The following BTBD17 variants were observed in gnomAD, a reference collection of about 807,000 sequenced individuals.
BTBD17 encodes the protein BTB domain containing 17.
BTBD17 carries 26 observed loss-of-function variants against 36.9 expected under a neutral mutation model. The observed-to-expected ratio is 0.70, with a 90% CI of 0.52 to 0.98. BTBD17 has a LOEUF of 0.98. Among genes scored for constraint, BTBD17 ranks in the 50% least tolerant of loss-of-function variants. The pLI is 0.00. For missense variants in BTBD17, 630 were observed against 691.3 expected, an observed-to-expected ratio of 0.91 and a Z score of 0.99; for synonymous variants, 341 against 338.0, an observed-to-expected ratio of 1.01 and a Z score of -0.10.
At chr17:74,361,568 G>T (rs2054938327) in intron 1 of BTBD17, among the ~76,000 whole-genome samples, 167 bp downstream of exon 1, 1 of 152,180 alleles carries the variant, frequency 6.6e-6, no homozygotes, top group Non-Finnish European at 1.5e-5. Context: ...CCACCTGCCT[G>T]CCAGGCCCCT....
upstream of BTBD17, chr17:74,361,920 A>G (rs745959244): frequency 4.9e-5 from 46 of 931,358 alleles, no homozygotes; most frequent in Non-Finnish European, 7.4e-5. Context: ...AGGGGACGGC[A>G]CCCCCCTTCC....
intron 2 of BTBD17, 22 bp downstream of exon 2, chr17:74,359,947 C>T (rs111794965): frequency 1.9e-6 from 3 of 1,596,764 alleles, no homozygotes; most frequent in African/African-American, 1.3e-5. Flanking sequence ...TGAAGCCATC[C>T]CCTAGTCTTC....
At chr17:74,362,966 A>AGGTGTGTGTG (rs367842231), upstream of BTBD17, among the ~76,000 whole-genome samples, 1 of 148,994 alleles carries the variant, frequency 6.7e-6, no homozygotes, top group Non-Finnish European at 1.5e-5. Context: ...GCGCGCGCGC[A>AGGTGTGTGTG]TGTGTGTGTG....
chr17:74,359,811 C>A (rs878887959), intron 2 of BTBD17, among the ~76,000 whole-genome samples, 158 bp downstream of exon 2: 6 of 152,170 alleles, frequency 3.9e-5, no homozygotes, highest in South Asian at 2.1e-4. Flanking sequence ...GGGAGCTGTA[C>A]AGTGGAAGAA....
rs1831830455 is a variant in BTBD17 at position 74,357,696 on chromosome 17, G to A, written c.398C>T (p.Thr133Ile). Residue 133 changes from threonine (T) to isoleucine (I), a missense_variant, in exon 3 of 3, where the codon ACC (threonine) becomes ATC (isoleucine). By Grantham distance (89) the Thr-to-Ile change is moderately conservative (BLOSUM62 -1). Coordinates refer to ENST00000375366, the MANE Select transcript of BTBD17 (RefSeq NM_001080466.2). The surrounding 1 kb of genome is among the most constrained non-coding windows in gnomAD (Gnocchi z 8.4). ...CAGTCTGTGCAGGGGGATGGCCTGG[G>A]TCAGCAGCACGGTCAGCTCCCCGCA... The part of the protein sequence containing the change: ...LYCGELTVLL[T>I]QAIPLHRLAT... 2 of 1,546,846 alleles carry A rather than the reference G, an allele frequency of 1.3e-6. No individual in the cohort carries two copies. Among genetic ancestry groups the A allele is most frequent in the East Asian group, 2.4e-5 (1 of 41,046 alleles).
rs996264539 is a variant in BTBD17, at chr17:74,356,858, C to G, written c.1236G>C (p.Thr412=). 7.2e-6 allele frequency: 11 copies of G among 1,537,998 alleles called. No individual in the cohort carries two copies. Among genetic ancestry groups the G allele is most frequent in the African/African-American group, 1.4e-5 (1 of 70,272 alleles). Reference sequence around the variant, plus strand: ...CCTGCTGGCGCGCCCCCACCAGCACCGTCTTCTGGAAGCTCACGCCCGCCG... The same window carrying G: ...CCTGCTGGCGCGCCCCCACCAGCACGGTCTTCTGGAAGCTCACGCCCGCCG... The part of the protein sequence containing the change: ...GDAAGVSFQK[T]VLVGARQQGR... The change falls in exon 3 of 3, where the codon ACG becomes ACC. Residue 412 remains threonine, a synonymous_variant. Transcript: ENST00000375366. This position sits in a 1 kb window ranked among gnomAD's most constrained non-coding sequence, Gnocchi z 4.3.
upstream of BTBD17, chr17:74,362,092 A>C: frequency 1.1e-4 from 42 of 394,286 alleles, no homozygotes; most frequent in East Asian, 1.6e-4. Context: ...TCCTCCCCCA[A>C]TCTCCTTACC....
At chr17:74,359,876 C>T (rs1296546379) in intron 2 of BTBD17, 93 bp downstream of exon 2, 5 of 1,332,418 alleles carry the variant, frequency 3.8e-6, no homozygotes, top group Non-Finnish European at 5.2e-6. Context: ...GACATAACAA[C>T]CTCTAAGGGC....
chr17:74,361,426 C>T (rs1171767934), intron 1 of BTBD17, among the ~76,000 whole-genome samples: 1 of 152,170 alleles, frequency 6.6e-6, no homozygotes, highest in East Asian at 1.9e-4. Flanking sequence ...GAAAGAGAAG[C>T]GGGTAGTATG....
intron 2 of BTBD17, 85 bp downstream of exon 2, chr17:74,359,884 G>T: frequency 7.1e-7 from 1 of 1,417,860 alleles, no homozygotes; most frequent in Non-Finnish European, 9.7e-7. Flanking sequence ...AACCTCTAAG[G>T]GCCTGGGCTT....
At chr17:74,358,358 T>C (rs2054912661) in intron 2 of BTBD17, among the ~76,000 whole-genome samples, 1 of 152,000 alleles carries the variant, frequency 6.6e-6, no homozygotes, top group South Asian at 2.1e-4. Flanking sequence ...ACATTAGTCA[T>C]GTGTGGTGGT....
In BTBD17 at chr17:74,357,428, C is replaced by T; in HGVS notation, c.666G>A (p.Leu222=). ...LLWQLLQRSD[L]VLQDELELFH... The stretch of plus-strand genomic sequence containing the variant: ...ACAGCTCCAGTTCATCCTGCAGCAC[C>T]AGGTCCGAGCGTTGCAGGAGCTGCC... Residue 222 remains leucine (L), a synonymous_variant, in exon 3 of 3, where the codon CTG becomes CTA. Coordinates refer to ENST00000375366, the MANE Select transcript of BTBD17 (RefSeq NM_001080466.2). The surrounding 1 kb of genome is among the most constrained non-coding windows in gnomAD (Gnocchi z 8.4). The T allele has an allele frequency of 6.3e-7, 1 of 1,584,030 alleles. No homozygotes were observed. Among genetic ancestry groups the T allele is most frequent in the Non-Finnish European group, 8.5e-7 (1 of 1,173,538 alleles).
Position 74,356,544 on chromosome 17 carries a change from G to T in BTBD17, c.*113C>A. ...TGGACTCCACCCCAGCCCTAGGGTG[G>T]CCGGCGCCTGGCCATCCAGGGGACC... On this transcript the variant is annotated 3_prime_UTR_variant, in exon 3 of 3. Coordinates refer to ENST00000375366, the MANE Select transcript of BTBD17 (RefSeq NM_001080466.2). The surrounding 1 kb of genome is among the most constrained non-coding windows in gnomAD (Gnocchi z 4.3). 1 of 1,341,356 alleles carries T rather than the reference G, an allele frequency of 7.5e-7. No individual in the cohort carries two copies. The highest frequency in any genetic ancestry group is 9.6e-7 in the Non-Finnish European group (1 of 1,043,620). 83.1% of individuals were successfully genotyped at this position (1,341,356 alleles called of 1,614,324 possible).
chr17:74,359,961 G>A lies in BTBD17; in HGVS notation c.362+8C>T, dbSNP rs372741837. 1.9e-5 allele frequency: 30 copies of A among 1,602,716 alleles called. No individual in the cohort carries two copies. The African/African-American group carries it at 2.1e-4, about 11-fold the overall frequency. ...ATGAAGCCATCCCCTAGTCTTCCGCGTCCCCACCTGATGAACTTGTCGAAG... is the reference window on the plus strand; with the variant it reads ...ATGAAGCCATCCCCTAGTCTTCCGCATCCCCACCTGATGAACTTGTCGAAG... On this transcript the variant is annotated splice_region_variant and intron_variant, in intron 2 of 2. Coordinates refer to ENST00000375366, the MANE Select transcript of BTBD17 (RefSeq NM_001080466.2).
upstream of BTBD17, among the ~76,000 whole-genome samples, chr17:74,362,192 G>C (rs931918622): frequency 6.6e-6 from 1 of 152,228 alleles, no homozygotes; most frequent in African/African-American, 2.4e-5. Flanking sequence ...GCAGCCATTG[G>C]CCTGAGGGTC....
At position 74,360,099 on chromosome 17, in the gene BTBD17, G is replaced by A. The variant is rs775484462; in HGVS notation, c.232C>T (p.Arg78Trp). 2.4e-5 allele frequency: 38 copies of A among 1,613,070 alleles called. 2 individuals are homozygous for A. The Middle Eastern group carries it at 9.9e-4, about 42-fold the overall frequency. Residue 78 changes from arginine (R) to tryptophan (W), a missense_variant, in exon 2 of 3, where the codon CGG becomes TGG. Coordinates refer to ENST00000375366, the MANE Select transcript of BTBD17 (RefSeq NM_001080466.2). ...RVQAAGTDEV[R>W]VFHAHRLLLG... is the part of the protein sequence containing the mutation. ...AGCAGGCGGTGGGCGTGGAATACCC[G>A]GACCTCATCGGTGCCCGCAGCCTGC...
In BTBD17 at chr17:74,360,054, G is replaced by T; in HGVS notation, c.277C>A (p.Leu93Met). ...TGGTTACTTAGCAGCTCCAGGAACA[G>T]CTCACTGTGCAGTCCCAGCAGCAGG... is the stretch of plus-strand genomic sequence containing the variant. The part of the protein sequence containing the change: ...HRLLLGLHSE[L>M]FLELLSNQSE... The change falls in exon 2 of 3, where the codon CTG becomes ATG. Residue 93 changes from leucine (L) to methionine (M), a missense_variant. Physicochemically the swap from Leu to Met is conservative, Grantham distance 15. Transcript: ENST00000375366. The T allele has an allele frequency of 6.2e-7, 1 of 1,613,092 alleles. No individual in the cohort carries two copies.
rs549808325 is a variant in BTBD17, at chr17:74,356,738, G to A, written c.1356C>T (p.Ser452=). ...LAHADLQRRN[S]EYLVENALHL... is the part of the protein sequence containing the mutation. ...GCAGGGCGTTCTCAACCAGGTACTC[G>A]GAGTTGCGCCGCTGCAGGTCGGCGT... The change falls in exon 3 of 3, where the codon TCC becomes TCT. Residue 452 remains serine, a synonymous_variant. Transcript: ENST00000375366. The surrounding 1 kb of genome is among the most constrained non-coding windows in gnomAD (Gnocchi z 4.3). The A allele has an allele frequency of 1.9e-6, 3 of 1,601,316 alleles. No individual in the cohort carries two copies. Among genetic ancestry groups the A allele is most frequent in the East Asian group, 2.3e-5 (1 of 43,544 alleles).
At chr17:74,361,253 C>A (rs1178370152) in intron 1 of BTBD17, among the ~76,000 whole-genome samples, 1 of 152,220 alleles carries the variant, frequency 6.6e-6, no homozygotes, top group Non-Finnish European at 1.5e-5. Flanking sequence ...GCGAGGGGAG[C>A]CTCGCAGAGG....
Sources: allele counts gnomAD v4.1 joint callset (sites outside exome capture counted in the v4.1 genomes callset), GRCh38; gene constraint gnomAD v4.1.1; non-coding constraint Gnocchi (gnomAD v3.1); transcripts MANE v1.5; gene names NCBI Gene and HGNC (gene_info 2026-07-23, HGNC 2026-07-21).